ROBO1: variants seen among roughly 807,000 people sequenced by gnomAD.
ROBO1 encodes roundabout homolog 1.
Under a neutral mutation model 195.9 loss-of-function variants are expected in ROBO1, and 149 were observed. That is an observed-to-expected ratio of 0.76 (90% CI 0.67 to 0.87). The LOEUF is 0.87. Among genes scored for constraint, ROBO1 ranks in the 40% least tolerant of loss-of-function variants. ROBO1 has a pLI of 0.00. For missense variants in ROBO1, 1,933 were observed against 2,068.3 expected (o/e 0.93, Z 1.27); for synonymous variants, 816 against 733.2 (o/e 1.11, Z -1.82).
At chr3:79,143,707 A>G (rs1031193647) in intron 2 of ROBO1, among the ~76,000 whole-genome samples, 1 of 152,010 alleles carries the variant, frequency 6.6e-6, no homozygotes, top group African/African-American at 2.4e-5. Flanking sequence ...TATACATTTT[A>G]CCTCGTTTCC....
chr3:78,950,094 T>A (rs1364489341), intron 3 of ROBO1, among the ~76,000 whole-genome samples: 1 of 152,134 alleles, frequency 6.6e-6, no homozygotes, highest in Non-Finnish European at 1.5e-5. Flanking sequence ...ATTGTGGAAG[T>A]CCGTGTGGCG....
rs1239608074 is a variant in ROBO1 at position 79,740,576 on chromosome 3, G to A, written c.-51+27176C>T. 3.9e-5 allele frequency among the ~76,000 whole-genome samples: 6 copies of A among 152,152 alleles called. No homozygotes were observed. The South Asian group carries it at 6.2e-4, about 16-fold the overall frequency. ...GGTGGCAGGACTGAGAATGAGTGCCGAGTGCCGAGCAAAGCAAGAAGCCAC... is the reference window on the plus strand; with the variant it reads ...GGTGGCAGGACTGAGAATGAGTGCCAAGTGCCGAGCAAAGCAAGAAGCCAC... On this transcript the variant is annotated intron_variant, in intron 1 of 30. Transcript: ENST00000464233.
chr3:79,694,530 A>G (rs942535962), intron 1 of ROBO1, among the ~76,000 whole-genome samples: 1 of 151,806 alleles, frequency 6.6e-6, no homozygotes, highest in African/African-American at 2.4e-5. Flanking sequence ...TACTAATGCA[A>G]TAAATGGCTT....
At chr3:78,949,779 A>G (rs1288061234) in intron 3 of ROBO1, among the ~76,000 whole-genome samples, 1 of 152,192 alleles carries the variant, frequency 6.6e-6, no homozygotes. Flanking sequence ...AAGGGCTAAT[A>G]TCCAGAATCT....
At chr3:78,651,463 A>G (rs1346242705) in intron 19 of ROBO1, among the ~76,000 whole-genome samples, 1 of 152,202 alleles carries the variant, frequency 6.6e-6, no homozygotes, top group African/African-American at 2.4e-5. Flanking sequence ...GAAAAGGGAA[A>G]AGGTATAACA....
At chr3:79,404,494 C>A (rs1253108359) in intron 2 of ROBO1, among the ~76,000 whole-genome samples, 3 of 152,110 alleles carry the variant, frequency 2.0e-5, no homozygotes, top group Non-Finnish European at 2.9e-5. Flanking sequence ...AAGTTCTTAT[C>A]TGTCATCTGG....
intron 5 of ROBO1, among the ~76,000 whole-genome samples, chr3:78,721,058 T>G (rs533629180): frequency 6.6e-6 from 1 of 151,804 alleles, no homozygotes; most frequent in South Asian, 2.1e-4. Context: ...GTAACAAACC[T>G]GCAGGTTGTG....
At chr3:79,102,757 C>T (rs942738445) in intron 3 of ROBO1, among the ~76,000 whole-genome samples, 14 of 151,632 alleles carry the variant, frequency 9.2e-5, no homozygotes, top group African/African-American at 3.4e-4. Context: ...TGTGTATGTC[C>T]AAAGAGAGAA....
chr3:78,617,527 AG>A, intron 27 of ROBO1, 107 bp downstream of exon 27: 1 of 1,137,028 alleles, frequency 8.8e-7, no homozygotes, highest in Non-Finnish European at 1.2e-6. Context: ...AAAAACTGTA[AG>A]AATAGATGCT....
At chr3:79,215,756 C>T (rs1412197774) in intron 2 of ROBO1, among the ~76,000 whole-genome samples, 2 of 152,204 alleles carry the variant, frequency 1.3e-5, no homozygotes, top group Non-Finnish European at 2.9e-5. Flanking sequence ...TTTGGTAACA[C>T]TTATTACAAT....
chr3:78,943,447 T>C (rs895439306), intron 3 of ROBO1, among the ~76,000 whole-genome samples: 1 of 152,282 alleles, frequency 6.6e-6, no homozygotes, highest in South Asian at 2.1e-4. Flanking sequence ...ATGATGTTTG[T>C]ACACAACAAT....
intron 2 of ROBO1, among the ~76,000 whole-genome samples, chr3:79,509,297 C>T (rs755507607): frequency 2.6e-5 from 4 of 151,474 alleles, no homozygotes; most frequent in Non-Finnish European, 4.4e-5. Context: ...ATATTTATGG[C>T]GGAATTAAAT....
At chr3:79,448,812 T>C (rs1185226169) in intron 2 of ROBO1, among the ~76,000 whole-genome samples, 1 of 152,204 alleles carries the variant, frequency 6.6e-6, no homozygotes, top group East Asian at 1.9e-4. Flanking sequence ...ATTGTGTTAT[T>C]GTAAAAGAAA....
intron 2 of ROBO1, among the ~76,000 whole-genome samples, chr3:79,240,834 G>A (rs574767743): frequency 6.6e-6 from 1 of 151,988 alleles, no homozygotes; most frequent in Admixed American, 6.6e-5. Flanking sequence ...GTAGAGATGG[G>A]ATTTTCTCAT....
chr3:79,597,505 T>C (rs958738980), intron 1 of ROBO1, among the ~76,000 whole-genome samples: 1 of 152,038 alleles, frequency 6.6e-6, no homozygotes, highest in African/African-American at 2.4e-5. Flanking sequence ...CTATTATTTT[T>C]CATATATTAA....
intron 2 of ROBO1, among the ~76,000 whole-genome samples, chr3:79,509,565 ATG>A (rs1327942294): frequency 1.9e-4 from 29 of 152,156 alleles, no homozygotes; most frequent in African/African-American, 6.8e-4. Flanking sequence ...ACATGTGTCA[ATG>A]TGTAGCTAAA....
chr3:79,728,599 A>G (rs1019512611), intron 1 of ROBO1, among the ~76,000 whole-genome samples: 1 of 152,178 alleles, frequency 6.6e-6, no homozygotes, highest in African/African-American at 2.4e-5. Flanking sequence ...TACACATATC[A>G]AAGATATATA....
intron 11 of ROBO1, among the ~76,000 whole-genome samples, chr3:78,669,717 C>T (rs1189488953): frequency 6.6e-6 from 1 of 152,102 alleles, no homozygotes; most frequent in Non-Finnish European, 1.5e-5. Context: ...AATAGAAGAA[C>T]TATCTAAATA....
At chr3:79,235,280 T>C (rs1043895343) in intron 2 of ROBO1, among the ~76,000 whole-genome samples, 1 of 152,156 alleles carries the variant, frequency 6.6e-6, no homozygotes, top group African/African-American at 2.4e-5. Flanking sequence ...AAAGTTTTTA[T>C]TTTTTAAAAA....
Sources: allele counts gnomAD v4.1 joint callset (sites outside exome capture counted in the v4.1 genomes callset), GRCh38; gene constraint gnomAD v4.1.1; transcripts MANE v1.5; gene names NCBI Gene and HGNC (gene_info 2026-07-23, HGNC 2026-07-21).